The following BLTP1 variants were observed in gnomAD, a reference collection of about 807,000 sequenced individuals.
BLTP1 encodes bridge-like lipid transfer protein family member 1.
At chr4:122,234,540 A>G in the BLTP1 span, among the ~76,000 whole-genome samples, 3 of 151,478 alleles carry the variant, frequency 2.0e-5, no homozygotes, top group Non-Finnish European at 2.9e-5. Context: ...CCGTATCTCT[A>G]TTATTATTGA....
chr4:122,266,207 A>T, the BLTP1 span, among the ~76,000 whole-genome samples: 8 of 152,206 alleles, frequency 5.3e-5, no homozygotes, highest in Admixed American at 6.5e-5. Flanking sequence ...TGTGTCTGAA[A>T]TTCAGTTAAC....
chr4:122,331,529 T>G, the BLTP1 span: 1 of 1,610,566 alleles, frequency 6.2e-7, no homozygotes, highest in Non-Finnish European at 8.5e-7. Context: ...CATGATGATA[T>G]AAGTTTGAGA....
chr4:122,362,272 A>G, the BLTP1 span: 1 of 1,580,624 alleles, frequency 6.3e-7, no homozygotes. Flanking sequence ...CTGTGAACAA[A>G]TTATGATTGT....
chr4:122,315,660 T>C, the BLTP1 span: 8 of 1,614,116 alleles, frequency 5.0e-6, no homozygotes, highest in African/African-American at 5.3e-5. Flanking sequence ...GAGGATGAAG[T>C]TGATACTATG....
At chr4:122,353,429 C>A in the BLTP1 span, among the ~76,000 whole-genome samples, 1 of 152,150 alleles carries the variant, frequency 6.6e-6, no homozygotes, top group Non-Finnish European at 1.5e-5. This position sits in a 1 kb window ranked among gnomAD's most constrained non-coding sequence, Gnocchi z 4.3. Context: ...CTTATAAAAA[C>A]ATGAAGTGAA....
At chr4:122,292,298 T>C in the BLTP1 span, 5 of 925,216 alleles carry the variant, frequency 5.4e-6, no homozygotes, top group Non-Finnish European at 6.4e-6. Flanking sequence ...AGAGATGGAT[T>C]ATCAAATGAA....
At chr4:122,274,258 A>G in the BLTP1 span, 1 of 814,914 alleles carries the variant, frequency 1.2e-6, no homozygotes, top group African/African-American at 1.8e-5. Context: ...GCTACTGAAT[A>G]TATTATGAAT....
the BLTP1 span, among the ~76,000 whole-genome samples, chr4:122,232,847 T>C: frequency 6.6e-6 from 1 of 152,050 alleles, no homozygotes; most frequent in African/African-American, 2.4e-5. Context: ...AGCAGGAACA[T>C]ACAGGGATTC....
chr4:122,197,577 A>T, the BLTP1 span: 1 of 396,518 alleles, frequency 2.5e-6, no homozygotes, highest in Non-Finnish European at 3.4e-6. Flanking sequence ...GCACTTTGAG[A>T]GCAGGTGCTG....
the BLTP1 span, chr4:122,272,377 C>A: frequency 6.2e-7 from 1 of 1,612,532 alleles, no homozygotes; most frequent in Non-Finnish European, 8.5e-7. Flanking sequence ...GGATCCATGG[C>A]AGTTTTACTC....
the BLTP1 span, among the ~76,000 whole-genome samples, chr4:122,329,725 A>G: frequency 6.6e-5 from 10 of 151,752 alleles, no homozygotes; most frequent in African/African-American, 2.2e-4. Context: ...AGTTCTTTAA[A>G]TATTTTATTT....
At chr4:122,292,735 CAATA>C in the BLTP1 span, 1 of 357,284 alleles carries the variant, frequency 2.8e-6, no homozygotes. Context: ...ACTAGAGAAA[CAATA>C]AGCCTATCCA....
chr4:122,274,301 T>G, the BLTP1 span: 3 of 1,043,338 alleles, frequency 2.9e-6, no homozygotes, highest in Admixed American at 3.8e-5. Context: ...TGCAAGTATC[T>G]TATATCCAGA....
chr4:122,263,295 T>C, the BLTP1 span: 4 of 1,407,052 alleles, frequency 2.8e-6, no homozygotes, highest in Non-Finnish European at 3.7e-6. Flanking sequence ...TGCATTAATA[T>C]CCAAATACCA....
the BLTP1 span, chr4:122,254,538 G>C: frequency 1.6e-4 from 154 of 938,214 alleles, no homozygotes; most frequent in African/African-American, 2.6e-3. Context: ...TTCTTTCATA[G>C]TACTTTAGTT....
chr4:122,217,683 T>A, the BLTP1 span, among the ~76,000 whole-genome samples: 1 of 152,134 alleles, frequency 6.6e-6, no homozygotes, highest in Non-Finnish European at 1.5e-5. Flanking sequence ...TTTCCTTTTT[T>A]AAATGTCTTT....
At chr4:122,243,110 A>G in the BLTP1 span, 1 of 1,575,310 alleles carries the variant, frequency 6.3e-7, no homozygotes, top group Non-Finnish European at 8.7e-7. Context: ...TTCCTTGATT[A>G]TGAGATGGGT....
the BLTP1 span, chr4:122,186,116 C>T: frequency 2.5e-5 from 41 of 1,612,128 alleles, no homozygotes; most frequent in East Asian, 5.8e-4. Flanking sequence ...TCTTTATGGA[C>T]GCCTTCAAGA....
chr4:122,282,093 G>C, the BLTP1 span: 4 of 981,586 alleles, frequency 4.1e-6, no homozygotes, highest in Non-Finnish European at 4.8e-6. Flanking sequence ...GAATAACTTG[G>C]TTTATTTTCA....
Sources: allele counts gnomAD v4.1 joint callset (sites outside exome capture counted in the v4.1 genomes callset), GRCh38; gene constraint gnomAD v4.1.1; non-coding constraint Gnocchi (gnomAD v3.1); transcripts MANE v1.5; gene names NCBI Gene and HGNC (gene_info 2026-07-23, HGNC 2026-07-21).